Variants in SDHAF4 observed in about 807,000 individuals in gnomAD.
SDHAF4 encodes the protein succinate dehydrogenase complex assembly factor 4.
In SDHAF4, 14 loss-of-function variants were observed where a neutral mutation model predicts 14.3. That is an observed-to-expected ratio of 0.98 (90% CI 0.65 to 1.53). SDHAF4 has a LOEUF of 1.53. SDHAF4 is among the 40% of genes most tolerant of loss of function. The pLI is 0.00. For missense variants in SDHAF4, 141 were observed against 129.3 expected, an observed-to-expected ratio of 1.09 and a Z score of -0.44; for synonymous variants, 63 against 47.3, an observed-to-expected ratio of 1.33 and a Z score of -1.36.
chr6:70,579,638 G>C, intron 2 of SDHAF4, 72 bp downstream of exon 2: 3 of 1,276,274 alleles, frequency 2.4e-6, no homozygotes, highest in Non-Finnish European at 2.1e-6. Flanking sequence ...GAAAATGAGT[G>C]AAAGGAAAGA....
chr6:70,594,670 T>A, the SDHAF4 span, among the ~76,000 whole-genome samples: 33 of 152,176 alleles, frequency 2.2e-4, no homozygotes, highest in African/African-American at 7.7e-4. Context: ...CCCAGCACTT[T>A]GGGAGGCCAA....
rs1273542496 is a variant in SDHAF4 at position 70,579,534 on chromosome 6, A to G, written c.185A>G (p.Glu62Gly). ...CCAGAAGGTCGTTTTGATGCACCAG[A>G]GGATTCCCATTTAGAGAAAGAACCA... ...KLPEGRFDAPEDSHLEKEPLE... is the reference protein window; with the variant it reads ...KLPEGRFDAPGDSHLEKEPLE... Residue 62 changes from glutamate (E) to glycine (G), a missense_variant, in exon 2 of 3, where the codon GAG (glutamate) becomes GGG (glycine). Coordinates refer to ENST00000370474, the MANE Select transcript of SDHAF4 (RefSeq NM_145267.3). 6 of 1,609,976 alleles carry G rather than the reference A, an allele frequency of 3.7e-6. No homozygotes were observed. The highest frequency in any genetic ancestry group is 5.1e-6 in the Non-Finnish European group (6 of 1,177,924).
chr6:70,597,516 T>C, the SDHAF4 span, among the ~76,000 whole-genome samples: 2 of 152,044 alleles, frequency 1.3e-5, no homozygotes, highest in Non-Finnish European at 2.9e-5. Context: ...TAAAGTCTGA[T>C]GTGTTTTGAT....
intron 1 of SDHAF4, 95 bp from the exon 2 acceptor site, chr6:70,579,319 A>T (rs1802292538): frequency 4.0e-6 from 4 of 1,001,690 alleles, no homozygotes; most frequent in South Asian, 7.3e-5. Context: ...AGAAATGTGA[A>T]TGTATAAACT....
intron 2 of SDHAF4, among the ~76,000 whole-genome samples, chr6:70,580,092 T>C (rs189176711): frequency 1.6e-4 from 25 of 152,234 alleles, no homozygotes; most frequent in African/African-American, 6.0e-4. Flanking sequence ...GTATATTATA[T>C]GTATGTGTGT....
At chr6:70,573,799 C>G (rs1802217421) in intron 1 of SDHAF4, among the ~76,000 whole-genome samples, 1 of 151,290 alleles carries the variant, frequency 6.6e-6, no homozygotes, top group African/African-American at 2.4e-5. Context: ...CTCAGCCTCC[C>G]AAGTAGCTGG....
At position 70,572,058 on chromosome 6, in the gene SDHAF4, C is replaced by CTTTTTTTTTTTTTT. The variant is rs66688860; in HGVS notation, c.64+5069_64+5082dup. On this transcript the variant is annotated intron_variant, in intron 1 of 2. Coordinates refer to ENST00000370474, the MANE Select transcript of SDHAF4 (RefSeq NM_145267.3). ...TACAACACTTTCAGTCTTTTTTTGTCTTTTTTTTTTTTTTTTTTTTTTTTT... is the reference window on the plus strand; with the variant it reads ...TACAACACTTTCAGTCTTTTTTTGTCTTTTTTTTTTTTTTTTTTTTTTTTTTTTTTTTTTTTTTT... Among the ~76,000 whole-genome samples, 42 of 53,512 alleles carry CTTTTTTTTTTTTTT rather than the reference C, an allele frequency of 7.8e-4. 3 individuals are homozygous for CTTTTTTTTTTTTTT. The highest frequency in any genetic ancestry group is 1.8e-3 in the East Asian group (3 of 1,648). The allele number at this position is 53,512 out of a possible 152,430, so 35.1% of individuals were successfully genotyped here.
chr6:70,577,729 C>T (rs1283770187), intron 1 of SDHAF4, among the ~76,000 whole-genome samples: 25 of 152,086 alleles, frequency 1.6e-4, no homozygotes, highest in Admixed American at 1.4e-3. Flanking sequence ...CCCTGACAGT[C>T]GTACCCAGTT....
In SDHAF4 at chr6:70,566,990, C is replaced by T. The variant is rs1300222879; in HGVS notation, c.50C>T (p.Ala17Val). Reference sequence around the variant, plus strand: ...TTGCTTAGCTGGGTCTCGGCCACGGCGTGGAGAGCGGCAAGTAAGCACCTG... The same window carrying T: ...TTGCTTAGCTGGGTCTCGGCCACGGTGTGGAGAGCGGCAAGTAAGCACCTG... ...PWLLSWVSAT[A>V]WRAARSPLLC... Residue 17 changes from alanine (A) to valine (V), a missense_variant, in exon 1 of 3, where the codon GCG becomes GTG. Transcript: ENST00000370474. 1.1e-5 allele frequency: 18 copies of T among 1,589,724 alleles called. No individual in the cohort carries two copies. Among genetic ancestry groups the T allele is most frequent in the Non-Finnish European group, 1.4e-5 (16 of 1,168,250 alleles).
intron 1 of SDHAF4, among the ~76,000 whole-genome samples, chr6:70,568,195 C>A (rs1453601812): frequency 6.6e-6 from 1 of 152,092 alleles, no homozygotes; most frequent in East Asian, 1.9e-4. Context: ...ATTATCCAAA[C>A]CTCAAGGTAA....
chr6:70,579,441 G>T lies in SDHAF4; in HGVS notation c.92G>T (p.Arg31Met). The change falls in exon 2 of 3, where the codon AGG becomes ATG. Residue 31 changes from arginine (R) to methionine (M), a missense_variant. Transcript: ENST00000370474. ...TCACCCCTTCTGTGTCATTCTCTGA[G>T]GAAAACAAGTTCTTCTCAAGGAGGA... The part of the protein sequence containing the change: ...ARSPLLCHSL[R>M]KTSSSQGGKS... 1 of 1,605,576 alleles carries T rather than the reference G, an allele frequency of 6.2e-7. No individual in the cohort carries two copies. Among genetic ancestry groups the T allele is most frequent in the Non-Finnish European group, 8.5e-7 (1 of 1,175,678 alleles).
rs556002285 is a variant in SDHAF4, at chr6:70,566,985, C to T, written c.45C>T (p.Ala15=). Residue 15 remains alanine, a synonymous_variant, in exon 1 of 3, where the codon GCC becomes GCT. Transcript: ENST00000370474. ...RLPWLLSWVS[A]TAWRAARSPL... ...CCTGGTTGCTTAGCTGGGTCTCGGC[C>T]ACGGCGTGGAGAGCGGCAAGTAAGC... 4 of 1,591,220 alleles carry T rather than the reference C, an allele frequency of 2.5e-6. No individual in the cohort carries two copies. The highest frequency in any genetic ancestry group is 2.3e-5 in the South Asian group (2 of 87,274).
chr6:70,583,551 C>T (rs1158196293), intron 2 of SDHAF4, among the ~76,000 whole-genome samples: 1 of 152,176 alleles, frequency 6.6e-6, no homozygotes, highest in Non-Finnish European at 1.5e-5. Context: ...TCTTTGGCTT[C>T]AGCATAAATT....
chr6:70,597,644 A>G, the SDHAF4 span, among the ~76,000 whole-genome samples: 62,009 of 151,932 alleles, frequency 0.41, 13,326 homozygotes, highest in African/African-American at 0.52. Context: ...TGAGACTATC[A>G]CTTTCTGAAC....
chr6:70,575,436 A>G (rs1390295813), intron 1 of SDHAF4, among the ~76,000 whole-genome samples: 2 of 151,792 alleles, frequency 1.3e-5, no homozygotes, highest in African/African-American at 4.8e-5. Flanking sequence ...TGAAAATACA[A>G]AAACTTAGCT....
chr6:70,576,385 T>G (rs1386437813), intron 1 of SDHAF4, among the ~76,000 whole-genome samples: 2 of 152,246 alleles, frequency 1.3e-5, no homozygotes, highest in African/African-American at 4.8e-5. Flanking sequence ...TTCAGAAGTC[T>G]GCAAGGTCAT....
In SDHAF4 at chr6:70,583,249, A is replaced by C. The variant is rs151162033; in HGVS notation, c.217+3683A>C. The stretch of plus-strand genomic sequence containing the variant: ...TGCCTCAGCCTCCTGAGTAGCTGGG[A>C]TTACAGGCGTCTGGCACCACACCTG... On this transcript the variant is annotated intron_variant, in intron 2 of 2. Transcript: ENST00000370474. Among the ~76,000 whole-genome samples, 242 of 152,244 alleles carry C rather than the reference A, an allele frequency of 1.6e-3. 5 individuals are homozygous for C. The East Asian group carries it at 0.045, about 28-fold the overall frequency.
At chr6:70,580,089 A>G (rs1005475253) in intron 2 of SDHAF4, among the ~76,000 whole-genome samples, 72 of 152,130 alleles carry the variant, frequency 4.7e-4, no homozygotes, top group African/African-American at 1.7e-3. Flanking sequence ...TGTGTATATT[A>G]TATGTATGTG....
In SDHAF4 at chr6:70,588,842, A is replaced by AATATATATATAGATATATAT; in HGVS notation, c.*129_*130insGATATATATATATATATATA. 1 of 339,216 alleles carries AATATATATATAGATATATAT rather than the reference A, an allele frequency of 2.9e-6. No homozygotes were observed. The allele number at this position is 339,216 out of a possible 1,614,324, so 21.0% of individuals were successfully genotyped here. Reference sequence around the variant, plus strand: ...TCGTGTAGTTTGTATAATGTGTTTAAATATATATATATATGATGGCTTTGG... The same window carrying AATATATATATAGATATATAT: ...TCGTGTAGTTTGTATAATGTGTTTAAATATATATATAGATATATATATATATATATATATGATGGCTTTGG... On this transcript the variant is annotated 3_prime_UTR_variant, in exon 3 of 3. Coordinates refer to ENST00000370474, the MANE Select transcript of SDHAF4 (RefSeq NM_145267.3).
Sources: gnomAD v4.1 joint callset for allele counts (sites outside exome capture counted in the v4.1 genomes callset) on GRCh38, gnomAD v4.1.1 for gene constraint, MANE v1.5 for transcripts, NCBI Gene and HGNC (gene_info 2026-07-23, HGNC 2026-07-21) for gene names.